AR: variants seen among roughly 807,000 people sequenced by gnomAD.
AR encodes the protein dihydrotestosterone receptor.
AR carries 8 observed loss-of-function variants against 53.9 expected under a neutral mutation model. The observed-to-expected ratio is 0.15, with a 90% CI of 0.09 to 0.27. The LOEUF (loss-of-function observed/expected upper bound fraction) is 0.27. Among genes scored for constraint, AR ranks in the 10% least tolerant of loss-of-function variants. The pLI, the probability that AR is intolerant of heterozygous loss-of-function variation, is 1.00. For synonymous variants in AR, 359 were observed against 316.4 expected, an observed-to-expected ratio of 1.13 and a Z score of -1.43; for missense variants, 639 against 742.5, an observed-to-expected ratio of 0.86 and a Z score of 1.62.
At chrX:67,653,047 T>C (rs1401245127) in intron 2 of AR, among the ~76,000 whole-genome samples, 4 of 112,041 alleles carry the variant, frequency 3.6e-5, no homozygotes, top group Non-Finnish European at 7.5e-5. Context: ...AACATGGCTA[T>C]GTAATGACTG....
chrX:67,573,587 T>C (rs1921920382), intron 1 of AR, among the ~76,000 whole-genome samples: 2 of 111,421 alleles, frequency 1.8e-5, no homozygotes, highest in Middle Eastern at 4.2e-3. Flanking sequence ...TATGAATACA[T>C]TTCTATTGCC....
chrX:67,602,119 A>G (rs180999085), intron 1 of AR, among the ~76,000 whole-genome samples: 1 of 112,581 alleles, frequency 8.9e-6, no homozygotes, highest in East Asian at 2.8e-4. Context: ...AGTTTACATG[A>G]CAGTAAGTAA....
chrX:67,628,558 G>A (rs1924840563), intron 1 of AR, among the ~76,000 whole-genome samples: 1 of 108,482 alleles, frequency 9.2e-6, no homozygotes, highest in Non-Finnish European at 1.9e-5. Context: ...GGGTTTTCTA[G>A]ATATACAATC....
intron 1 of AR, among the ~76,000 whole-genome samples, chrX:67,563,974 G>A (rs968342439): frequency 5.4e-5 from 6 of 111,359 alleles, no homozygotes; most frequent in Admixed American, 9.5e-5. Context: ...GAATCCTTCC[G>A]TGGCCTGGAA....
At chrX:67,641,731 C>T (rs1035470126) in intron 1 of AR, among the ~76,000 whole-genome samples, 3 of 111,144 alleles carry the variant, frequency 2.7e-5, no homozygotes, top group Non-Finnish European at 5.7e-5. Context: ...TTCTGTTGTA[C>T]TTGGGACTTG....
At chrX:67,658,583 C>A (rs143223513) in intron 2 of AR, among the ~76,000 whole-genome samples, 154 of 111,904 alleles carry the variant, frequency 1.4e-3, no homozygotes, top group Non-Finnish European at 2.4e-3. Flanking sequence ...TCTCAGCCTC[C>A]TGAGTAGCTG....
chrX:67,671,207 ATG>A (rs1569301527), intron 2 of AR, among the ~76,000 whole-genome samples: 4 of 111,959 alleles, frequency 3.6e-5, no homozygotes, highest in African/African-American at 1.3e-4. Flanking sequence ...GAACTAATTT[ATG>A]CTCCCACCAA....
chrX:67,560,828 C>T (rs1921267114), intron 1 of AR, among the ~76,000 whole-genome samples: 1 of 111,206 alleles, frequency 9.0e-6, no homozygotes, highest in Non-Finnish European at 1.9e-5. Flanking sequence ...TATGACAGCC[C>T]CCTACAAAAT....
rs1053178235 is a variant in AR at position 67,552,437 on chromosome X, G to A, written c.1616+5675G>A. On this transcript the variant is annotated intron_variant, in intron 1 of 7. Coordinates refer to ENST00000374690, the MANE Select transcript of AR (RefSeq NM_000044.6). The stretch of plus-strand genomic sequence containing the variant: ...CCATTTATCAGGTGATGAGCATTAC[G>A]GTTGTTTCCACCTTTTGGCTATTAT... Among the ~76,000 whole-genome samples the A allele has an allele frequency of 8.9e-5, 10 of 112,148 alleles. 1 individual carries two copies. Among genetic ancestry groups the A allele is most frequent in the Admixed American group, 8.5e-4 (9 of 10,582 alleles).
chrX:67,629,869 T>G (rs1412740323), intron 1 of AR, among the ~76,000 whole-genome samples: 1,724 of 111,203 alleles, frequency 0.016, 37 homozygotes, highest in African/African-American at 0.054. Context: ...AAGAACATCT[T>G]TATTTCTGCC....
chrX:67,645,277 C>G (rs765328484), intron 2 of AR, among the ~76,000 whole-genome samples: 1 of 111,642 alleles, frequency 9.0e-6, no homozygotes, highest in Non-Finnish European at 1.9e-5. Context: ...GGGAAATGCT[C>G]AATCACATTG....
At chrX:67,615,282 T>A (rs1924067696) in intron 1 of AR, among the ~76,000 whole-genome samples, 2 of 111,303 alleles carry the variant, frequency 1.8e-5, no homozygotes, top group South Asian at 7.4e-4. Flanking sequence ...CTTAGATACA[T>A]CATAGTCAAA....
chrX:67,712,426 G>A (rs1248236575), intron 4 of AR, among the ~76,000 whole-genome samples: 1 of 112,301 alleles, frequency 8.9e-6, no homozygotes, highest in East Asian at 2.8e-4. Context: ...TCAGTGATGG[G>A]GAACTCACTT....
intron 2 of AR, among the ~76,000 whole-genome samples, chrX:67,684,195 T>C (rs1243346203): frequency 8.9e-6 from 1 of 112,075 alleles, no homozygotes; most frequent in Non-Finnish European, 1.9e-5. Flanking sequence ...TAGAATTGGA[T>C]ACAGGACCTG....
At chrX:67,550,976 A>AT (rs1929971735) in intron 1 of AR, among the ~76,000 whole-genome samples, 1 of 98,712 alleles carries the variant, frequency 1.0e-5, no homozygotes, top group Non-Finnish European at 2.0e-5. Flanking sequence ...AGATGACATG[A>AT]GGGGATTGCA....
intron 1 of AR, among the ~76,000 whole-genome samples, chrX:67,583,691 G>A (rs1280459276): frequency 1.8e-5 from 2 of 111,475 alleles, no homozygotes; most frequent in African/African-American, 6.5e-5. Context: ...CACACCAGAT[G>A]TATTCAACAA....
chrX:67,718,905 C>T (rs919650962), intron 5 of AR, among the ~76,000 whole-genome samples: 1 of 111,773 alleles, frequency 8.9e-6, no homozygotes, highest in Admixed American at 9.4e-5. Flanking sequence ...ATAATCTTTT[C>T]TATGTCTGCT....
chrX:67,627,783 G>A (rs1282317996), intron 1 of AR, among the ~76,000 whole-genome samples: 19 of 111,728 alleles, frequency 1.7e-4, no homozygotes, highest in Non-Finnish European at 7.5e-5. Context: ...TAACGTTTAA[G>A]TCTTTAATCC....
intron 1 of AR, among the ~76,000 whole-genome samples, chrX:67,629,535 T>C (rs1238221073): frequency 4.6e-5 from 5 of 109,060 alleles, no homozygotes; most frequent in Non-Finnish European, 9.5e-5. Flanking sequence ...TCTTTTTTTC[T>C]TTATTAGTCT....
Sources: allele counts gnomAD v4.1 joint callset (sites outside exome capture counted in the v4.1 genomes callset), GRCh38; gene constraint gnomAD v4.1.1; transcripts MANE v1.5; gene names NCBI Gene and HGNC (gene_info 2026-07-23, HGNC 2026-07-21).